The following GARIN1B variants were observed in gnomAD, a reference collection of about 807,000 sequenced individuals.
GARIN1B encodes golgi associated RAB2 interactor 1B, also known as Golgi-associated RAB2 interactor protein 1B.
At chr7:128,718,889 C>T in the GARIN1B span, 1 of 1,613,946 alleles carries the variant, frequency 6.2e-7, no homozygotes, top group African/African-American at 1.3e-5. Flanking sequence ...ACGCATCCTG[C>T]AGTTGAGGAC....
chr7:128,719,989 T>C, the GARIN1B span, among the ~76,000 whole-genome samples: 3 of 152,046 alleles, frequency 2.0e-5, no homozygotes, highest in African/African-American at 7.2e-5. Flanking sequence ...CGTGAGGCAC[T>C]GTGCCCGGCA....
At chr7:128,720,199 T>C in the GARIN1B span, among the ~76,000 whole-genome samples, 2 of 132,970 alleles carry the variant, frequency 1.5e-5, no homozygotes, top group African/African-American at 5.8e-5. Context: ...ACTTTTTCCT[T>C]CTTCTTTTTT....
chr7:128,719,971 G>A, the GARIN1B span, among the ~76,000 whole-genome samples: 56,731 of 151,564 alleles, frequency 0.37, 10,788 homozygotes, highest in African/African-American at 0.42. Context: ...AAGTGCTGGG[G>A]TTACAGGCGT....
At chr7:128,718,867 T>A in the GARIN1B span, 1 of 1,614,098 alleles carries the variant, frequency 6.2e-7, no homozygotes, top group Non-Finnish European at 8.5e-7. Flanking sequence ...TCCAGGTATG[T>A]GACCACTATC....
the GARIN1B span, chr7:128,729,947 T>G: frequency 6.2e-7 from 1 of 1,614,184 alleles, no homozygotes; most frequent in Non-Finnish European, 8.5e-7. Flanking sequence ...ACCTGTGACC[T>G]ACGTTGGAGG....
the GARIN1B span, among the ~76,000 whole-genome samples, chr7:128,726,061 G>A: frequency 2.0e-5 from 3 of 152,236 alleles, no homozygotes; most frequent in Non-Finnish European, 2.9e-5. Flanking sequence ...GGGGAAAAGC[G>A]GGTAGTGGTG....
the GARIN1B span, chr7:128,719,034 C>T: frequency 3.9e-5 from 63 of 1,613,966 alleles, 2 homozygotes; most frequent in Admixed American, 7.0e-4. Context: ...ATTCTTGTCA[C>T]GCACTGCCTG....
At chr7:128,718,692 G>A in the GARIN1B span, 4 of 1,032,782 alleles carry the variant, frequency 3.9e-6, no homozygotes, top group East Asian at 2.4e-5. Context: ...CCCAACAATT[G>A]AGCAGCACTG....
chr7:128,717,109 A>G, the GARIN1B span: 7 of 1,035,434 alleles, frequency 6.8e-6, no homozygotes, highest in South Asian at 1.8e-5. Flanking sequence ...CAGCAGTGAC[A>G]TTGATTTTTT....
chr7:128,718,735 C>G, the GARIN1B span: 3 of 1,471,852 alleles, frequency 2.0e-6, no homozygotes, highest in Non-Finnish European at 2.8e-6. Flanking sequence ...CCTCCAAAAG[C>G]CTTAGTCCTA....
chr7:128,730,256 C>T, the GARIN1B span, among the ~76,000 whole-genome samples: 2 of 152,162 alleles, frequency 1.3e-5, no homozygotes, highest in African/African-American at 4.8e-5. Flanking sequence ...ATGTGTGGCA[C>T]CTCCAGGGCC....
chr7:128,725,274 C>A, the GARIN1B span, among the ~76,000 whole-genome samples: 2 of 152,184 alleles, frequency 1.3e-5, no homozygotes, highest in Admixed American at 1.3e-4. Flanking sequence ...CTAGAGGGCA[C>A]TGGACTCTAA....
the GARIN1B span, chr7:128,729,760 T>G: frequency 1.2e-6 from 1 of 821,002 alleles, no homozygotes. Context: ...CTCACAGAGG[T>G]GAGGATTAAA....
At chr7:128,723,553 C>CTTT in the GARIN1B span, 230 of 161,066 alleles carry the variant, frequency 1.4e-3, 1 homozygote, top group East Asian at 5.6e-3. Context: ...ACTATCCAGT[C>CTTT]TTTTTTTTTT....
chr7:128,717,000 G>A, the GARIN1B span: 1 of 1,605,002 alleles, frequency 6.2e-7, no homozygotes. Context: ...CTGAAGAGGT[G>A]AGCAATGCAG....
the GARIN1B span, among the ~76,000 whole-genome samples, chr7:128,717,431 T>C: frequency 1.4e-5 from 2 of 145,996 alleles, no homozygotes; most frequent in East Asian, 4.0e-4. Flanking sequence ...TGTCTTTTTC[T>C]TTTTCTTTCT....
chr7:128,730,143 T>C, the GARIN1B span: 1 of 1,502,238 alleles, frequency 6.7e-7, no homozygotes, highest in Non-Finnish European at 9.0e-7. Flanking sequence ...GGTCAGATCC[T>C]GGGGTCCTGA....
the GARIN1B span, chr7:128,731,131 G>T: frequency 2.5e-6 from 4 of 1,608,018 alleles, no homozygotes; most frequent in Non-Finnish European, 3.4e-6. Flanking sequence ...TTCCGCACTG[G>T]GGAGAATCTA....
the GARIN1B span, chr7:128,716,996 A>T: frequency 1.0e-5 from 16 of 1,607,656 alleles, no homozygotes; most frequent in Non-Finnish European, 1.2e-5. Flanking sequence ...CTTCCTGAAG[A>T]GGTGAGCAAT....
Sources: gnomAD v4.1 joint callset for allele counts (sites outside exome capture counted in the v4.1 genomes callset) on GRCh38, gnomAD v4.1.1 for gene constraint, MANE v1.5 for transcripts, NCBI Gene and HGNC (gene_info 2026-07-23, HGNC 2026-07-21) for gene names.